Variants in ARHGAP42 observed in about 807,000 individuals in gnomAD.
The protein encoded by ARHGAP42 is rho GTPase-activating protein 42.
In ARHGAP42, 63 loss-of-function variants were observed where a neutral mutation model predicts 125.0. The observed-to-expected ratio is 0.50, with a 90% CI of 0.41 to 0.62. The LOEUF (loss-of-function observed/expected upper bound fraction) is 0.62, where lower values mean the gene tolerates loss of function less well. ARHGAP42 is among the 20% of genes least tolerant of loss of function. ARHGAP42 has a pLI of 0.00. For missense variants in ARHGAP42, 766 were observed against 1,024.2 expected, an observed-to-expected ratio of 0.75 and a Z score of 3.44; for synonymous variants, 339 against 351.0, an observed-to-expected ratio of 0.97 and a Z score of 0.38.
intron 1 of ARHGAP42, among the ~76,000 whole-genome samples, chr11:100,705,013 C>CAAAAA (rs1211966921): frequency 1.1e-4 from 6 of 54,746 alleles, no homozygotes; most frequent in African/African-American, 3.1e-4. Context: ...ACAACAACAA[C>CAAAAA]AAAAAAAAAA....
In ARHGAP42 at chr11:100,789,184, A is replaced by G. The variant is rs181947208; in HGVS notation, c.251-5921A>G. Among the ~76,000 whole-genome samples the G allele has an allele frequency of 2.6e-4, 40 of 152,344 alleles. 1 individual carries two copies. The East Asian group carries it at 6.0e-3, about 23-fold the overall frequency. On this transcript the variant is annotated intron_variant, in intron 2 of 23. Coordinates refer to ENST00000298815, the MANE Select transcript of ARHGAP42 (RefSeq NM_152432.4). ...TTACAGAGCCTACACTGTCATCCAA[A>G]TGGAAAAGTAAGGTTATTGTTGGGG...
At chr11:100,794,801 A>G (rs1285551147) in intron 2 of ARHGAP42, among the ~76,000 whole-genome samples, 16 of 152,174 alleles carry the variant, frequency 1.1e-4, no homozygotes, top group Admixed American at 1.0e-3. Context: ...TACATTTTAC[A>G]TATTAAATAT....
At chr11:100,762,029 C>T (rs957526145) in intron 1 of ARHGAP42, among the ~76,000 whole-genome samples, 12 of 152,180 alleles carry the variant, frequency 7.9e-5, no homozygotes, top group African/African-American at 2.4e-4. Context: ...CTTGTGCAGA[C>T]GTAGTCTGTG....
chr11:100,791,220 G>C (rs766237774), intron 2 of ARHGAP42, among the ~76,000 whole-genome samples: 8 of 152,174 alleles, frequency 5.3e-5, no homozygotes, highest in Non-Finnish European at 1.0e-4. Context: ...ACACTAGGCA[G>C]TTTGGATCTG....
intron 5 of ARHGAP42, among the ~76,000 whole-genome samples, chr11:100,920,750 G>C (rs1446545696): frequency 1.3e-5 from 2 of 152,108 alleles, no homozygotes; most frequent in Admixed American, 1.3e-4. Context: ...ACTGCAATCA[G>C]ATATAATAAA....
intron 21 of ARHGAP42, among the ~76,000 whole-genome samples, 159 bp downstream of exon 21, chr11:100,977,130 A>G (rs967757082): frequency 1.3e-5 from 2 of 152,164 alleles, no homozygotes; most frequent in Non-Finnish European, 2.9e-5. Context: ...ATTCTTTTCT[A>G]TGAGTGATGT....
At chr11:100,802,944 G>A (rs1373684573) in intron 3 of ARHGAP42, among the ~76,000 whole-genome samples, 5 of 152,110 alleles carry the variant, frequency 3.3e-5, no homozygotes, top group African/African-American at 1.2e-4. Context: ...TTTCCATATA[G>A]CCTTAGTTTA....
intron 1 of ARHGAP42, among the ~76,000 whole-genome samples, chr11:100,719,018 T>C (rs908976675): frequency 6.6e-6 from 1 of 152,234 alleles, no homozygotes; most frequent in Non-Finnish European, 1.5e-5. Flanking sequence ...CCTTATTGAA[T>C]ACAATTCCTT....
intron 5 of ARHGAP42, among the ~76,000 whole-genome samples, chr11:100,917,015 TTGTGTGTGTG>T (rs6144479): frequency 0.032 from 4,835 of 149,180 alleles, 224 homozygotes; most frequent in African/African-American, 0.1. Flanking sequence ...TAAAATAAGT[TTGTGTGTGTG>T]TGTGTGTGTG....
At chr11:100,770,972 A>G (rs553297468) in intron 2 of ARHGAP42, among the ~76,000 whole-genome samples, 1 of 152,364 alleles carries the variant, frequency 6.6e-6, no homozygotes, top group East Asian at 1.9e-4. Context: ...TCTATAACTC[A>G]GGTCAGCCGA....
intron 4 of ARHGAP42, among the ~76,000 whole-genome samples, chr11:100,899,953 T>C (rs1866494386): frequency 6.6e-6 from 1 of 152,164 alleles, no homozygotes; most frequent in Admixed American, 6.5e-5. Flanking sequence ...GTCATTATGA[T>C]GTTAGCTGGT....
At chr11:100,961,873 T>A in intron 15 of ARHGAP42, 105 bp downstream of exon 15, 1 of 843,358 alleles carries the variant, frequency 1.2e-6, no homozygotes, top group Non-Finnish European at 1.9e-6. Flanking sequence ...CTTCACTCAG[T>A]AGCTCAGTTC....
intron 3 of ARHGAP42, among the ~76,000 whole-genome samples, chr11:100,858,088 T>G (rs186973641): frequency 5.8e-5 from 6 of 102,848 alleles, no homozygotes; most frequent in South Asian, 3.6e-4. Context: ...TGGATAGGGG[T>G]GTGTGTGTGT....
chr11:100,768,248 A>G (rs1862879769), intron 1 of ARHGAP42, among the ~76,000 whole-genome samples: 1 of 152,188 alleles, frequency 6.6e-6, no homozygotes, highest in Non-Finnish European at 1.5e-5. Context: ...TAAATACAAC[A>G]ATAACAAGTG....
At chr11:100,748,274 A>C (rs1862351808) in intron 1 of ARHGAP42, among the ~76,000 whole-genome samples, 1 of 152,342 alleles carries the variant, frequency 6.6e-6, no homozygotes, top group South Asian at 2.1e-4. Context: ...AACAGCTCGC[A>C]GGTTTGAGCA....
At chr11:100,821,196 C>T (rs1245519289) in intron 3 of ARHGAP42, among the ~76,000 whole-genome samples, 1 of 151,906 alleles carries the variant, frequency 6.6e-6, no homozygotes, top group Non-Finnish European at 1.5e-5. Flanking sequence ...AAGTAACAAG[C>T]CTTTGTTACC....
At chr11:100,713,878 C>A (rs17095351) in intron 1 of ARHGAP42, among the ~76,000 whole-genome samples, 1 of 152,028 alleles carries the variant, frequency 6.6e-6, no homozygotes, top group African/African-American at 2.4e-5. Context: ...CTTTGGTGAT[C>A]CATATGTTTG....
chr11:100,703,236 T>G (rs946061460), intron 1 of ARHGAP42, among the ~76,000 whole-genome samples: 2 of 152,204 alleles, frequency 1.3e-5, no homozygotes, highest in African/African-American at 2.4e-5. Flanking sequence ...GTTCCAGTGT[T>G]GGCATTGCCA....
chr11:100,803,179 C>G (rs1231362081), intron 3 of ARHGAP42, among the ~76,000 whole-genome samples: 1 of 149,930 alleles, frequency 6.7e-6, no homozygotes, highest in Admixed American at 6.7e-5. Flanking sequence ...AGTTAGAGAC[C>G]AGCATGGGCA....
Sources: allele counts gnomAD v4.1 joint callset (sites outside exome capture counted in the v4.1 genomes callset), GRCh38; gene constraint gnomAD v4.1.1; transcripts MANE v1.5; gene names NCBI Gene and HGNC (gene_info 2026-07-23, HGNC 2026-07-21).